OXR1: variants seen among roughly 807,000 people sequenced by gnomAD.
OXR1 encodes the protein oxidation resistance 1.
Under a neutral mutation model 104.6 loss-of-function variants are expected in OXR1, and 41 were observed. That is an observed-to-expected ratio of 0.39 (90% CI 0.31 to 0.51). OXR1 has a LOEUF of 0.51. Among genes scored for constraint, OXR1 ranks in the 20% least tolerant of loss-of-function variants. The pLI, the probability that OXR1 is intolerant of heterozygous loss-of-function variation, is 0.77. For missense variants in OXR1, 955 were observed against 1,031.9 expected, an observed-to-expected ratio of 0.93 and a Z score of 1.02; for synonymous variants, 348 against 348.4, an observed-to-expected ratio of 1.00 and a Z score of 0.01.
At chr8:106,289,041 T>C (rs994713385) in intron 1 of OXR1, among the ~76,000 whole-genome samples, 5 of 152,038 alleles carry the variant, frequency 3.3e-5, no homozygotes, top group Admixed American at 1.3e-4. Flanking sequence ...ATAGGAGACA[T>C]CTATGACGAA....
chr8:106,314,490 A>C (rs1423981449), intron 1 of OXR1, among the ~76,000 whole-genome samples: 1 of 152,240 alleles, frequency 6.6e-6, no homozygotes, highest in South Asian at 2.1e-4. Context: ...CCTAAGCTGA[A>C]GTTAAATGTG....
intron 1 of OXR1, among the ~76,000 whole-genome samples, chr8:106,313,383 G>A (rs1193578931): frequency 2.0e-5 from 3 of 152,248 alleles, no homozygotes; most frequent in South Asian, 4.1e-4. Flanking sequence ...AATATAATTA[G>A]GGTACAGCAT....
At chr8:106,418,034 T>C (rs117541276) in intron 2 of OXR1, among the ~76,000 whole-genome samples, 10 of 152,234 alleles carry the variant, frequency 6.6e-5, no homozygotes, top group Non-Finnish European at 1.0e-4. Context: ...GCCTAGTCAG[T>C]ATCAAGTGGT....
intron 14 of OXR1, among the ~76,000 whole-genome samples, chr8:106,741,923 A>G (rs1478299643): frequency 1.3e-5 from 2 of 152,188 alleles, no homozygotes; most frequent in Non-Finnish European, 2.9e-5. Flanking sequence ...TGTACATATA[A>G]GTCGTCCTGA....
chr8:106,748,894 C>T (rs1482264413), intron 16 of OXR1, among the ~76,000 whole-genome samples: 2 of 152,016 alleles, frequency 1.3e-5, no homozygotes, highest in East Asian at 3.9e-4. Flanking sequence ...AACCATTCTA[C>T]ATGGTCACTG....
At chr8:106,589,640 G>A (rs189552820) in intron 3 of OXR1, among the ~76,000 whole-genome samples, 11 of 152,252 alleles carry the variant, frequency 7.2e-5, no homozygotes, top group Non-Finnish European at 1.2e-4. Flanking sequence ...AGACTGTGAT[G>A]AGAGGTGCTT....
chr8:106,592,141 A>G (rs1416331451), intron 3 of OXR1, among the ~76,000 whole-genome samples: 1 of 152,222 alleles, frequency 6.6e-6, no homozygotes, highest in Non-Finnish European at 1.5e-5. Flanking sequence ...GCTTTACCAT[A>G]TTGCCTTTTC....
At chr8:106,591,360 G>T (rs2130697712) in intron 3 of OXR1, among the ~76,000 whole-genome samples, 1 of 148,776 alleles carries the variant, frequency 6.7e-6, no homozygotes, top group East Asian at 2.0e-4. Context: ...CGAGTTAATG[G>T]GTGCAGCACA....
intron 3 of OXR1, among the ~76,000 whole-genome samples, chr8:106,665,658 G>GCATTAAA (rs1419930459): frequency 6.6e-6 from 1 of 152,156 alleles, no homozygotes; most frequent in Non-Finnish European, 1.5e-5. Flanking sequence ...AAAGTAAAGT[G>GCATTAAA]ACTGCAGATA....
intron 2 of OXR1, among the ~76,000 whole-genome samples, chr8:106,411,660 G>A (rs1002075921): frequency 1.3e-5 from 2 of 152,126 alleles, no homozygotes; most frequent in Admixed American, 1.3e-4. Context: ...CCTATAATGT[G>A]ATGATAAGGC....
chr8:106,327,184 T>A (rs1346193182), intron 1 of OXR1, among the ~76,000 whole-genome samples: 1 of 152,208 alleles, frequency 6.6e-6, no homozygotes, highest in Non-Finnish European at 1.5e-5. Flanking sequence ...GTTTTCTATA[T>A]TTTTATTTGA....
At chr8:106,415,922 A>G (rs907724755) in intron 2 of OXR1, among the ~76,000 whole-genome samples, 9 of 152,128 alleles carry the variant, frequency 5.9e-5, no homozygotes, top group Non-Finnish European at 7.4e-5. Flanking sequence ...ATGGAGTTTA[A>G]GTATTCCTTT....
chr8:106,449,015 T>C (rs1465143019), intron 2 of OXR1, among the ~76,000 whole-genome samples: 1 of 152,160 alleles, frequency 6.6e-6, no homozygotes, highest in Non-Finnish European at 1.5e-5. Flanking sequence ...AGTTGAGTAC[T>C]TAACCAGATT....
chr8:106,743,904 G>T (rs919153454), intron 15 of OXR1, among the ~76,000 whole-genome samples: 1 of 152,194 alleles, frequency 6.6e-6, no homozygotes, highest in Non-Finnish European at 1.5e-5. Flanking sequence ...ATACACCATG[G>T]AATACACCAT....
intron 3 of OXR1, among the ~76,000 whole-genome samples, chr8:106,572,795 C>T (rs1334391977): frequency 6.6e-6 from 1 of 152,196 alleles, no homozygotes; most frequent in Non-Finnish European, 1.5e-5. Context: ...CTACCCATTG[C>T]TCAGTTCCAA....
At chr8:106,446,888 T>G (rs1345869317) in intron 2 of OXR1, among the ~76,000 whole-genome samples, 1 of 152,184 alleles carries the variant, frequency 6.6e-6, no homozygotes, top group Admixed American at 6.5e-5. Context: ...ATGGTGCCAC[T>G]GAACTCCAAT....
chr8:106,511,274 C>T (rs908549041), intron 2 of OXR1, among the ~76,000 whole-genome samples: 9 of 152,112 alleles, frequency 5.9e-5, no homozygotes, highest in African/African-American at 1.2e-4. Flanking sequence ...CATTTGCTCC[C>T]GAAAGCTTAT....
chr8:106,553,198 G>T (rs978536620), intron 3 of OXR1, among the ~76,000 whole-genome samples: 31 of 144,558 alleles, frequency 2.1e-4, no homozygotes, highest in African/African-American at 7.6e-4. Context: ...AAAACTTAAA[G>T]TACAGTAATA....
intron 1 of OXR1, among the ~76,000 whole-genome samples, chr8:106,290,565 G>A (rs1252838504): frequency 6.6e-6 from 1 of 152,068 alleles, no homozygotes; most frequent in Non-Finnish European, 1.5e-5. Context: ...AAGGTCTAAT[G>A]TCCAAAGTCT....
Sources: gnomAD v4.1 joint callset for allele counts (sites outside exome capture counted in the v4.1 genomes callset) on GRCh38, gnomAD v4.1.1 for gene constraint, MANE v1.5 for transcripts, NCBI Gene and HGNC (gene_info 2026-07-23, HGNC 2026-07-21) for gene names.